The following CCDC169 variants were observed in gnomAD, a reference collection of about 807,000 sequenced individuals.
CCDC169 encodes coiled-coil domain-containing protein 169.
In CCDC169, 30 loss-of-function variants were observed where a neutral mutation model predicts 36.0. The observed-to-expected ratio is 0.83, with a 90% CI of 0.62 to 1.13. The LOEUF is 1.13. Among genes scored for constraint, CCDC169 ranks in the 50% most tolerant of loss-of-function variants. The pLI, the probability that CCDC169 is intolerant of heterozygous loss-of-function variation, is 0.00. For missense variants in CCDC169, 245 were observed against 245.9 expected (o/e 1.00, Z 0.03); for synonymous variants, 85 against 81.5 (o/e 1.04, Z -0.23).
At chr13:36,234,568 A>C (rs1870848457) in intron 7 of CCDC169, among the ~76,000 whole-genome samples, 1 of 152,156 alleles carries the variant, frequency 6.6e-6, no homozygotes, top group African/African-American at 2.4e-5. Flanking sequence ...GGGAATCTTG[A>C]AAGCAGCTAG....
At chr13:36,239,628 AAT>A in intron 7 of CCDC169, among the ~76,000 whole-genome samples, 1 of 152,296 alleles carries the variant, frequency 6.6e-6, no homozygotes, top group East Asian at 1.9e-4. Flanking sequence ...TTTTAAAAAT[AAT>A]CTCTAATTCT....
chr13:36,237,824 G>C (rs1255599582), intron 7 of CCDC169, among the ~76,000 whole-genome samples: 1 of 152,136 alleles, frequency 6.6e-6, no homozygotes, highest in Non-Finnish European at 1.5e-5. Flanking sequence ...TCTATGTTTA[G>C]ATACACAAAT....
chr13:36,280,216 C>T (rs1414206373), intron 4 of CCDC169: 1 of 152,042 alleles, frequency 6.6e-6, no homozygotes, highest in East Asian at 1.9e-4. Flanking sequence ...CATGGTAGTC[C>T]TTGCCTATAA....
chr13:36,250,980 G>A (rs1046662020), intron 6 of CCDC169, among the ~76,000 whole-genome samples: 1 of 152,192 alleles, frequency 6.6e-6, no homozygotes, highest in African/African-American at 2.4e-5. Flanking sequence ...TGTTTACAAA[G>A]ATAGAAGCTA....
At chr13:36,251,677 T>C (rs1873189678) in intron 6 of CCDC169, among the ~76,000 whole-genome samples, 1 of 152,198 alleles carries the variant, frequency 6.6e-6, no homozygotes, top group African/African-American at 2.4e-5. Context: ...ATTTGCTTTT[T>C]GCCACTCTTT....
chr13:36,284,916 C>T (rs780679313), intron 2 of CCDC169, among the ~76,000 whole-genome samples: 22 of 152,228 alleles, frequency 1.4e-4, no homozygotes, highest in Admixed American at 3.3e-4. Context: ...GGATGGAACC[C>T]CCTCCCATAC....
At chr13:36,275,295 T>C (rs565833744) in intron 4 of CCDC169, among the ~76,000 whole-genome samples, 3 of 152,128 alleles carry the variant, frequency 2.0e-5, no homozygotes, top group East Asian at 3.9e-4. Context: ...AGCTCCTATA[T>C]ATATAGTACT....
chr13:36,255,481 T>C (rs1873750563), intron 4 of CCDC169, among the ~76,000 whole-genome samples: 1 of 152,030 alleles, frequency 6.6e-6, no homozygotes, highest in Non-Finnish European at 1.5e-5. Context: ...CTGGCCAACA[T>C]GGCGAACCCT....
At chr13:36,234,099 AC>A (rs1566058193) in intron 7 of CCDC169, among the ~76,000 whole-genome samples, 1 of 152,098 alleles carries the variant, frequency 6.6e-6, no homozygotes, top group Non-Finnish European at 1.5e-5. Context: ...TGCTCCCAAA[AC>A]CTTTTTTAAA....
At chr13:36,228,205 T>C (rs1228353959), downstream of CCDC169, among the ~76,000 whole-genome samples, 1 of 152,178 alleles carries the variant, frequency 6.6e-6, no homozygotes, top group Non-Finnish European at 1.5e-5. Context: ...CTGTGTCATA[T>C]AGTAACTCTA....
Position 36,279,177 on chromosome 13 carries a change from C to T in CCDC169, c.315+4292G>A, listed in dbSNP as rs367655059. Among the ~76,000 whole-genome samples the T allele has an allele frequency of 1.1e-4, 17 of 152,156 alleles. No homozygotes were observed. The East Asian group carries it at 2.3e-3, about 21-fold the overall frequency. On this transcript the variant is annotated intron_variant, in intron 4 of 7. Coordinates refer to ENST00000239859, the MANE Select transcript of CCDC169 (RefSeq NM_001144981.3). Reference sequence around the variant, plus strand: ...CTGGTTTCTCTGATTCAATTCTAACCCACCCTGAGGAATCCTTTCTTCATG... The same window carrying T: ...CTGGTTTCTCTGATTCAATTCTAACTCACCCTGAGGAATCCTTTCTTCATG...
Position 36,230,928 on chromosome 13 carries a change from G to C in CCDC169, c.*265C>G. On this transcript the variant is annotated 3_prime_UTR_variant, in exon 8 of 8. Coordinates refer to ENST00000239859, the MANE Select transcript of CCDC169 (RefSeq NM_001144981.3). ...CAGAGCAGATCATGGGTATATTATT[G>C]AAAGCAAGTGTAATGATGCCAGCCT... 8.7e-7 allele frequency: 1 copy of C among 1,154,062 alleles called. No homozygotes were observed. The highest frequency in any genetic ancestry group is 1.1e-6 in the Non-Finnish European group (1 of 937,642). 71.5% of individuals were successfully genotyped at this position (1,154,062 alleles called of 1,614,324 possible).
At chr13:36,224,483 C>A (rs771750569), downstream of CCDC169, 1 of 152,194 alleles carries the variant, frequency 6.6e-6, no homozygotes, top group East Asian at 1.9e-4. Context: ...TTTCTATACA[C>A]CAACAACATT....
chr13:36,246,361 A>G (rs1872508533), intron 7 of CCDC169, among the ~76,000 whole-genome samples: 1 of 152,266 alleles, frequency 6.6e-6, no homozygotes, highest in South Asian at 2.1e-4. Flanking sequence ...GAACACACAA[A>G]TGATAAGGAA....
chr13:36,288,232 T>G (rs1024168208), intron 2 of CCDC169, among the ~76,000 whole-genome samples: 49 of 152,160 alleles, frequency 3.2e-4, no homozygotes, highest in East Asian at 1.9e-4. Context: ...ACCAGGATGG[T>G]CTCGATCTTC....
intron 2 of CCDC169, among the ~76,000 whole-genome samples, chr13:36,294,351 C>T (rs762222645): frequency 1.6e-4 from 24 of 152,246 alleles, no homozygotes; most frequent in South Asian, 6.2e-4. Flanking sequence ...ACCCTGCCAA[C>T]GCAGCTACTT....
At chr13:36,272,146 G>T (rs945124597) in intron 4 of CCDC169, among the ~76,000 whole-genome samples, 2 of 150,212 alleles carry the variant, frequency 1.3e-5, no homozygotes, top group African/African-American at 4.9e-5. Context: ...TACACATTAG[G>T]GACAATGTAC....
chr13:36,230,053 C>A (rs1424276611), downstream of CCDC169, among the ~76,000 whole-genome samples: 1 of 152,010 alleles, frequency 6.6e-6, no homozygotes, highest in Non-Finnish European at 1.5e-5. Flanking sequence ...TTTAAAGTTA[C>A]TTAAAATATT....
intron 7 of CCDC169, 35 bp downstream of exon 7, chr13:36,248,571 A>G: frequency 6.5e-7 from 1 of 1,540,806 alleles, no homozygotes; most frequent in South Asian, 1.2e-5. Context: ...GTGCAAATGT[A>G]ACGAATTAGA....
Sources: allele counts gnomAD v4.1 joint callset (sites outside exome capture counted in the v4.1 genomes callset), GRCh38; gene constraint gnomAD v4.1.1; transcripts MANE v1.5; gene names NCBI Gene and HGNC (gene_info 2026-07-23, HGNC 2026-07-21).